COMMD7: variants seen among roughly 807,000 people sequenced by gnomAD.
COMMD7 encodes the protein COMM domain containing 7.
In COMMD7, 28 loss-of-function variants were observed where a neutral mutation model predicts 34.8. That is an observed-to-expected ratio of 0.80 (90% CI 0.60 to 1.10). COMMD7 has a LOEUF of 1.10. COMMD7 is among the 50% of genes least tolerant of loss of function. The probability of loss-of-function intolerance (pLI) is 0.00; values close to 1 mark genes in which losing one functional copy is unlikely to be tolerated. For missense variants in COMMD7, 211 were observed against 241.6 expected (o/e 0.87, Z 0.84); for synonymous variants, 80 against 86.4 (o/e 0.93, Z 0.41).
chr20:32,705,376 A>ATTTT (rs200183828), intron 5 of COMMD7, among the ~76,000 whole-genome samples: 2 of 125,452 alleles, frequency 1.6e-5, no homozygotes, highest in African/African-American at 6.9e-5. Context: ...ATATATATAT[A>ATTTT]TTTTTTTTTT....
At chr20:32,728,317 A>G (rs1320676537) in intron 1 of COMMD7, among the ~76,000 whole-genome samples, 175 bp from the exon 2 acceptor site, 1 of 151,988 alleles carries the variant, frequency 6.6e-6, no homozygotes, top group African/African-American at 2.4e-5. Flanking sequence ...GTGTCAATAT[A>G]CCTGTGTCGC....
rs1387669938 is a variant in COMMD7 at position 32,737,379 on chromosome 20, A to AAAAAAAAAG, written c.84+5928_84+5929insCTTTTTTTT. On this transcript the variant is annotated intron_variant, in intron 1 of 8. Transcript: ENST00000278980. ...AGCAAGACTCCGTCTCAAAAAAAAA[A>AAAAAAAAAG]GATAAGCCAGGCACGGTGGTACATG... Among the ~76,000 whole-genome samples the AAAAAAAAAG allele has an allele frequency of 2.8e-4, 28 of 101,642 alleles. 2 individuals are homozygous for AAAAAAAAAG. Among genetic ancestry groups the AAAAAAAAAG allele is most frequent in the African/African-American group, 1.0e-3 (28 of 27,082 alleles). 66.7% of individuals were successfully genotyped at this position (101,642 alleles called of 152,430 possible).
intron 3 of COMMD7, among the ~76,000 whole-genome samples, chr20:32,720,626 T>C (rs1417305552): frequency 6.6e-6 from 1 of 152,056 alleles, no homozygotes; most frequent in East Asian, 1.9e-4. Flanking sequence ...CAGGGCAACA[T>C]GGTAAAACCT....
At chr20:32,704,125 A>C in intron 7 of COMMD7, 54 bp from the exon 8 acceptor site, 1 of 1,362,698 alleles carries the variant, frequency 7.3e-7, no homozygotes, top group South Asian at 1.4e-5. Context: ...CTGGGCAAAG[A>C]AATTCTTAAA....
intron 1 of COMMD7, among the ~76,000 whole-genome samples, chr20:32,738,988 T>C (rs2145789829): frequency 6.6e-6 from 1 of 152,330 alleles, no homozygotes; most frequent in Non-Finnish European, 1.5e-5. Flanking sequence ...GGTCAATTTA[T>C]TTCTCTGAAC....
chr20:32,716,987 A>G (rs1984830035), intron 3 of COMMD7, among the ~76,000 whole-genome samples: 1 of 151,972 alleles, frequency 6.6e-6, no homozygotes. Context: ...GCCCACCAAC[A>G]TGCTCGACTA....
intron 3 of COMMD7, among the ~76,000 whole-genome samples, chr20:32,726,098 A>G (rs1262469678): frequency 6.6e-6 from 1 of 151,738 alleles, no homozygotes; most frequent in African/African-American, 2.4e-5. Context: ...ATTCCTATAT[A>G]AAAAGACTTT....
At chr20:32,737,474 T>C (rs1238923231) in intron 1 of COMMD7, among the ~76,000 whole-genome samples, 4 of 151,226 alleles carry the variant, frequency 2.6e-5, no homozygotes, top group African/African-American at 7.3e-5. Context: ...GAGGCTGCAC[T>C]CCAGCCTGGG....
intron 3 of COMMD7, among the ~76,000 whole-genome samples, chr20:32,707,241 G>T (rs921686041): frequency 7.0e-6 from 1 of 143,382 alleles, no homozygotes; most frequent in Non-Finnish European, 1.5e-5. Context: ...CCGAGATCAC[G>T]CCACTGCACT....
At chr20:32,704,302 T>G (rs1983924296) in intron 7 of COMMD7, 138 bp downstream of exon 7, 1 of 844,380 alleles carries the variant, frequency 1.2e-6, no homozygotes, top group African/African-American at 1.7e-5. Context: ...GACTACATCT[T>G]TAGCTGGCCA....
At chr20:32,722,632 A>G (rs1014321010) in intron 3 of COMMD7, among the ~76,000 whole-genome samples, 10 of 151,122 alleles carry the variant, frequency 6.6e-5, no homozygotes, top group African/African-American at 2.4e-4. Context: ...GCTGAGTCAG[A>G]AGAATCACTT....
Position 32,704,898 on chromosome 20 carries a change from G to A in COMMD7, c.343C>T (p.Gln115Ter), listed in dbSNP as rs543076276. The A allele has an allele frequency of 6.2e-7, 1 of 1,612,674 alleles. No homozygotes were observed. Among genetic ancestry groups the A allele is most frequent in the Non-Finnish European group, 8.5e-7 (1 of 1,178,778 alleles). ...CATCGAGCAAGGGTGGGAGCATTCT[G>A]CTTCCACTGGAACAAAAGCAAAAGA... Reference protein sequence around the residue: ...KATYFSEKWKQNAPTLARWAI... With the variant: ...KATYFSEKWK Residue 115 changes from glutamine to a stop codon, truncating the protein, a stop_gained, in exon 6 of 9, where the codon CAG becomes TAG. Transcript: ENST00000278980. LOFTEE classifies it high-confidence loss of function.
intron 3 of COMMD7, among the ~76,000 whole-genome samples, chr20:32,718,142 C>T (rs572655004): frequency 6.6e-6 from 1 of 151,870 alleles, no homozygotes; most frequent in East Asian, 1.9e-4. Context: ...CGGTGGCTCA[C>T]GCCTGTAATC....
At position 32,743,314 on chromosome 20, in the gene COMMD7, GC is replaced by G; in HGVS notation, c.77del (p.Gly26AlafsTer8). 3 of 1,433,668 alleles carry G rather than the reference GC, an allele frequency of 2.1e-6. No homozygotes were observed. The highest frequency in any genetic ancestry group is 2.8e-6 in the Non-Finnish European group (3 of 1,086,484). 88.8% of individuals were successfully genotyped at this position (1,433,668 alleles called of 1,614,324 possible). A position where few individuals can be genotyped will look rare whatever the true frequency, so the allele number is the denominator to read the frequency against. ...GCCCCGCCGCCGGGCCCACCTGCGC[GC>G]CCAGCTGGTTCAGCTGCTGCATGTC... ...GGDMQQLNQL[G>X]AQQFSALTEV... is the part of the protein sequence containing the mutation. On this transcript the variant is annotated frameshift_variant, in exon 1 of 9. Coordinates refer to ENST00000278980, the MANE Select transcript of COMMD7 (RefSeq NM_053041.3). LOFTEE classifies it high-confidence loss of function.
At chr20:32,728,435 CACAG>C (rs1203257926) in intron 1 of COMMD7, among the ~76,000 whole-genome samples, 2 of 109,976 alleles carry the variant, frequency 1.8e-5, no homozygotes, top group Admixed American at 8.7e-5. Context: ...CACAGACACA[CACAG>C]ACAGACATAC....
intron 1 of COMMD7, among the ~76,000 whole-genome samples, chr20:32,729,167 A>ATT (rs777073115): frequency 4.3e-4 from 53 of 122,972 alleles, no homozygotes; most frequent in South Asian, 8.3e-4. Flanking sequence ...GCTTATTTTG[A>ATT]TTTTTTTTTT....
chr20:32,725,338 A>G (rs1985440067), intron 3 of COMMD7, among the ~76,000 whole-genome samples: 4 of 152,136 alleles, frequency 2.6e-5, no homozygotes, highest in Admixed American at 2.6e-4. Flanking sequence ...CCATAGTCCA[A>G]AATTATATTG....
At chr20:32,736,242 C>T (rs576148941) in intron 1 of COMMD7, among the ~76,000 whole-genome samples, 2 of 152,282 alleles carry the variant, frequency 1.3e-5, no homozygotes, top group African/African-American at 4.8e-5. Flanking sequence ...GAGGCCTACA[C>T]CTTAGAATTC....
At chr20:32,725,650 G>C (rs1350697055) in intron 3 of COMMD7, among the ~76,000 whole-genome samples, 1 of 151,972 alleles carries the variant, frequency 6.6e-6, no homozygotes, top group Non-Finnish European at 1.5e-5. Flanking sequence ...GGATGGTCTC[G>C]ATCTCCTGAC....
Sources: allele counts gnomAD v4.1 joint callset (sites outside exome capture counted in the v4.1 genomes callset), GRCh38; gene constraint gnomAD v4.1.1; transcripts MANE v1.5; gene names NCBI Gene and HGNC (gene_info 2026-07-23, HGNC 2026-07-21).